PRSS23: variants seen among roughly 807,000 people sequenced by gnomAD.
PRSS23 encodes the protein serine protease 23, also known as protease, serine 23.
Under a neutral mutation model 34.7 loss-of-function variants are expected in PRSS23, and 25 were observed. That is an observed-to-expected ratio of 0.72 (90% CI 0.53 to 1.01). The LOEUF (loss-of-function observed/expected upper bound fraction) is 1.01. PRSS23 is among the 50% of genes least tolerant of loss of function. The probability of loss-of-function intolerance (pLI) is 0.00; values close to 1 mark genes in which losing one functional copy is unlikely to be tolerated. For synonymous variants in PRSS23, 176 were observed against 186.6 expected (o/e 0.94, Z 0.46); for missense variants, 445 against 475.6 (o/e 0.94, Z 0.60).
At chr11:86,844,049 T>C (rs1487668931) in intron 2 of PRSS23, among the ~76,000 whole-genome samples, 3 of 152,052 alleles carry the variant, frequency 2.0e-5, no homozygotes, top group Non-Finnish European at 2.9e-5. Flanking sequence ...ATTAAGAAAA[T>C]GTGGCACACA....
rs189352241 is a variant in PRSS23, at chr11:86,819,322, T to A, written c.-11-4055T>A. Among the ~76,000 whole-genome samples, 10 of 152,258 alleles carry A rather than the reference T, an allele frequency of 6.6e-5. No individual in the cohort carries two copies. The East Asian group carries it at 1.9e-3, about 29-fold the overall frequency. Reference sequence around the variant, plus strand: ...ATTAGACCAGAACCAAGAAACGCAGTGCAAGATGCATTATTAATTCAAAAC... The same window carrying A: ...ATTAGACCAGAACCAAGAAACGCAGAGCAAGATGCATTATTAATTCAAAAC... On this transcript the variant is annotated intron_variant, in intron 1 of 2. Transcript: ENST00000533902.
intron 2 of PRSS23, among the ~76,000 whole-genome samples, chr11:86,843,838 T>C (rs1432464575): frequency 1.3e-5 from 2 of 152,190 alleles, no homozygotes; most frequent in Non-Finnish European, 2.9e-5. Context: ...AGTTCAACCA[T>C]TGTGGAAGAC....
intron 2 of PRSS23, among the ~76,000 whole-genome samples, chr11:86,829,453 C>G (rs1326928370): frequency 2.6e-5 from 4 of 152,156 alleles, no homozygotes; most frequent in Admixed American, 6.5e-5. Flanking sequence ...CCTCCTGTAG[C>G]TCATAGTTTG....
chr11:86,952,815 T>C (rs1250738271), exon 3 of PRSS23: 1 of 180,500 alleles, frequency 5.5e-6, no homozygotes, highest in African/African-American at 2.4e-5. Context: ...TTTTAGAAAC[T>C]ATTTGAAAAA....
At position 86,808,181 on chromosome 11, in the gene PRSS23, G is replaced by A. The variant is rs1340626101; in HGVS notation, c.538G>A (p.Gly180Arg). 1.2e-6 allele frequency: 2 copies of A among 1,614,172 alleles called. No individual in the cohort carries two copies. The highest frequency in any genetic ancestry group is 2.2e-5 in the South Asian group (2 of 91,084). Reference sequence around the variant, plus strand: ...CACAGCTGCCCACTGCATACACGATGGAAAAACCTATGTGAAAGGAACCCA... The same window carrying A: ...CACAGCTGCCCACTGCATACACGATAGAAAAACCTATGTGAAAGGAACCCA... Reference protein sequence around the residue: ...VLTAAHCIHDGKTYVKGTQKL... With the variant: ...VLTAAHCIHDRKTYVKGTQKL... Residue 180 changes from glycine to arginine, a missense_variant, in exon 2 of 2, where the codon GGA becomes AGA. Coordinates refer to ENST00000280258, the MANE Select transcript of PRSS23 (RefSeq NM_007173.6).
chr11:86,951,357 A>G, exon 3 of PRSS23: 1 of 1,614,002 alleles, frequency 6.2e-7, no homozygotes, highest in Non-Finnish European at 8.5e-7. Flanking sequence ...TCTGCAGAAT[A>G]CCGAAAAAGT....
chr11:86,837,229 A>C (rs1948413967), intron 2 of PRSS23: 1 of 152,260 alleles, frequency 6.6e-6, no homozygotes, highest in Non-Finnish European at 1.5e-5. Context: ...ATTTTATTCT[A>C]ATAGATTGCC....
At chr11:86,881,570 A>T (rs1948772400) in intron 2 of PRSS23, among the ~76,000 whole-genome samples, 1 of 152,058 alleles carries the variant, frequency 6.6e-6, no homozygotes, top group Non-Finnish European at 1.5e-5. Context: ...CTTTCTTGTG[A>T]TGTCTTTGCC....
chr11:86,952,188 G>A lies in PRSS23; in HGVS notation c.*903G>A. 1 of 1,613,260 alleles carries A rather than the reference G, an allele frequency of 6.2e-7. No individual in the cohort carries two copies. The highest frequency in any genetic ancestry group is 8.5e-7 in the Non-Finnish European group (1 of 1,179,374). ...AGGCTCCTTTTCACCCAGATGTACTGATCAGAATTGGTTCCCACAGAGTGA... is the reference window on the plus strand; with the variant it reads ...AGGCTCCTTTTCACCCAGATGTACTAATCAGAATTGGTTCCCACAGAGTGA... On this transcript the variant is annotated 3_prime_UTR_variant, in exon 3 of 3. Coordinates refer to the PRSS23 transcript ENST00000533902.
intron 2 of PRSS23, among the ~76,000 whole-genome samples, chr11:86,870,175 C>G (rs912443124): frequency 1.3e-5 from 2 of 152,032 alleles, no homozygotes; most frequent in African/African-American, 4.8e-5. Context: ...TTGGATGGAA[C>G]TAGCATCCCA....
intron 2 of PRSS23, among the ~76,000 whole-genome samples, chr11:86,908,295 G>C (rs1948956737): frequency 6.6e-6 from 1 of 152,172 alleles, no homozygotes; most frequent in Admixed American, 6.5e-5. Context: ...TTCCATAGCA[G>C]CTTCACCATT....
At chr11:86,924,713 C>T (rs1216666686) in intron 2 of PRSS23, among the ~76,000 whole-genome samples, 1 of 152,130 alleles carries the variant, frequency 6.6e-6, no homozygotes, top group African/African-American at 2.4e-5. Context: ...CTGGTGCAAT[C>T]AATATTGAGT....
Position 86,885,640 on chromosome 11 carries a change from A to G in PRSS23, c.206+62047A>G, listed in dbSNP as rs187879233. Among the ~76,000 whole-genome samples, 161 of 152,342 alleles carry G rather than the reference A, an allele frequency of 1.1e-3. 3 individuals carry two copies. The highest frequency in any genetic ancestry group is 0.01 in the Admixed American group (158 of 15,302). On this transcript the variant is annotated intron_variant, in intron 2 of 2. Transcript: ENST00000533902. Reference sequence around the variant, plus strand: ...GCATCCTTCAGACTTGAACTGCAACATTAGTTCTTCCCTGTGCCTCCAGCC... The same window carrying G: ...GCATCCTTCAGACTTGAACTGCAACGTTAGTTCTTCCCTGTGCCTCCAGCC...
intron 2 of PRSS23, among the ~76,000 whole-genome samples, chr11:86,891,269 T>G (rs113551712): frequency 6.6e-6 from 1 of 152,234 alleles, no homozygotes; most frequent in African/African-American, 2.4e-5. Context: ...ACCTCAAGCC[T>G]AATAAGATGG....
chr11:86,848,274 A>AAGCAGCTTTAGC (rs1291914623), intron 2 of PRSS23, among the ~76,000 whole-genome samples: 2 of 152,248 alleles, frequency 1.3e-5, no homozygotes, highest in Non-Finnish European at 2.9e-5. Context: ...ACTGAAAAAA[A>AAGCAGCTTTAGC]AGCAGCTTTA....
At chr11:86,853,952 T>G (rs758445845) in intron 2 of PRSS23, among the ~76,000 whole-genome samples, 3 of 152,220 alleles carry the variant, frequency 2.0e-5, no homozygotes, top group Non-Finnish European at 4.4e-5. Context: ...TTGTACTTCC[T>G]TAAGATTAGC....
chr11:86,866,285 C>G (rs1270468625), intron 2 of PRSS23, among the ~76,000 whole-genome samples: 2 of 152,080 alleles, frequency 1.3e-5, no homozygotes, highest in Non-Finnish European at 2.9e-5. Flanking sequence ...AAGTACATGA[C>G]AAGAGAAATG....
At chr11:86,913,399 TG>T (rs1329935739) in intron 2 of PRSS23, among the ~76,000 whole-genome samples, 1 of 149,982 alleles carries the variant, frequency 6.7e-6, no homozygotes, top group African/African-American at 2.5e-5. Flanking sequence ...TTTGTATTGG[TG>T]TTTTTTTTTT....
intron 2 of PRSS23, among the ~76,000 whole-genome samples, chr11:86,828,027 G>C (rs906510513): frequency 6.6e-5 from 10 of 152,176 alleles, no homozygotes; most frequent in Non-Finnish European, 1.3e-4. Flanking sequence ...GTGCAGAGCT[G>C]AGTTCAATTC....
Sources: allele counts gnomAD v4.1 joint callset (sites outside exome capture counted in the v4.1 genomes callset), GRCh38; gene constraint gnomAD v4.1.1; transcripts MANE v1.5; gene names NCBI Gene and HGNC (gene_info 2026-07-23, HGNC 2026-07-21).